Variants in CD244 observed in about 807,000 individuals in gnomAD.
The protein encoded by CD244 is natural killer cell receptor 2B4.
A neutral mutation model predicts 45.5 loss-of-function variants in CD244; 20 were observed. The ratio of observed to expected loss-of-function variants is 0.44; its 90% confidence interval spans 0.31 to 0.64. The LOEUF (loss-of-function observed/expected upper bound fraction) is 0.64. Ranked by LOEUF, CD244 falls within the 30% of genes least tolerant of loss-of-function variation. The pLI, the probability that CD244 is intolerant of heterozygous loss-of-function variation, is 0.08. For synonymous variants in CD244, 185 were observed against 160.5 expected (o/e 1.15, Z -1.15); for missense variants, 407 against 426.9 (o/e 0.95, Z 0.41).
intron 1 of CD244, among the ~76,000 whole-genome samples, chr1:160,857,128 C>T (rs1321230497): frequency 6.6e-6 from 1 of 152,244 alleles, no homozygotes; most frequent in Non-Finnish European, 1.5e-5. Context: ...CCTTTGGCCT[C>T]TTGCCAAGCT....
intron 1 of CD244, among the ~76,000 whole-genome samples, chr1:160,843,945 G>A (rs778761122): frequency 5.9e-5 from 9 of 152,184 alleles, no homozygotes; most frequent in African/African-American, 1.9e-4. Context: ...ATTAGAAAGC[G>A]GGTATACATA....
At chr1:160,856,037 A>G (rs1487206971) in intron 1 of CD244, among the ~76,000 whole-genome samples, 1 of 152,116 alleles carries the variant, frequency 6.6e-6, no homozygotes, top group East Asian at 1.9e-4. Context: ...TGGAATTTCC[A>G]CCAGCCAACA....
intron 1 of CD244, among the ~76,000 whole-genome samples, chr1:160,852,674 G>A (rs551482182): frequency 9.2e-5 from 14 of 152,178 alleles, no homozygotes; most frequent in African/African-American, 1.9e-4. Flanking sequence ...ACTATTTTAC[G>A]GTATCTTCTA....
intron 1 of CD244, among the ~76,000 whole-genome samples, chr1:160,853,950 CG>C (rs1482290039): frequency 6.6e-6 from 1 of 152,046 alleles, no homozygotes; most frequent in Non-Finnish European, 1.5e-5. Context: ...TGCCCAGAGG[CG>C]GTGGGTGGGA....
At chr1:160,839,601 C>G (rs2101869507) in intron 3 of CD244, among the ~76,000 whole-genome samples, 1 of 152,218 alleles carries the variant, frequency 6.6e-6, no homozygotes, top group Admixed American at 6.5e-5. Flanking sequence ...TTGTATCAGG[C>G]ATTATAACTA....
chr1:160,843,092 T>C (rs1280900022), intron 1 of CD244, among the ~76,000 whole-genome samples: 1 of 152,194 alleles, frequency 6.6e-6, no homozygotes, highest in Non-Finnish European at 1.5e-5. Flanking sequence ...GCATTATGAA[T>C]GCAGTCTCTC....
rs142663878 is a variant in CD244 at position 160,855,103 on chromosome 1, C to A, written c.61+7514G>T. ...CAGGAGTAGATGAAGTACATTGACA[C>A]TGGAGACTTGTTGGCAAGGTTGGTG... On this transcript the variant is annotated intron_variant, in intron 1 of 8. Transcript: ENST00000368034. 2.7e-3 allele frequency among the ~76,000 whole-genome samples: 417 copies of A among 152,322 alleles called. 4 individuals carry two copies. Among genetic ancestry groups the A allele is most frequent in the Middle Eastern group, 0.024 (7 of 294 alleles).
At chr1:160,848,614 G>A (rs1669815925) in intron 1 of CD244, 2 of 345,826 alleles carry the variant, frequency 5.8e-6, no homozygotes, top group Non-Finnish European at 1.1e-5. Flanking sequence ...AGGCCTTGCT[G>A]GGTTTCTCCA....
At chr1:160,834,473 A>G (rs1218803209) in intron 6 of CD244, among the ~76,000 whole-genome samples, 1 of 152,100 alleles carries the variant, frequency 6.6e-6, no homozygotes, top group Non-Finnish European at 1.5e-5. Flanking sequence ...CTCCTGCCCC[A>G]GCCTCCTGAG....
chr1:160,859,194 A>C, intron 1 of CD244, among the ~76,000 whole-genome samples: 1 of 152,162 alleles, frequency 6.6e-6, no homozygotes, highest in East Asian at 1.9e-4. Flanking sequence ...TAGCCAGCAA[A>C]GGAGCAGCAT....
Position 160,832,535 on chromosome 1 carries a change from C to T in CD244, c.1001G>A (p.Ser334Asn). 2 of 1,606,040 alleles carry T rather than the reference C, an allele frequency of 1.2e-6. 1 individual carries two copies. Among genetic ancestry groups the T allele is most frequent in the South Asian group, 2.2e-5 (2 of 90,652 alleles). The change falls in exon 8 of 9, where the codon AGC becomes AAC. Residue 334 changes from serine to asparagine, a missense_variant. Transcript: ENST00000368034. The part of the protein sequence containing the change: ...RKRNHSPSFN[S>N]TIYEVIGKSQ... ...GAATCTTACCACTTCATAGATAGTG[C>T]TATTGAAGGAAGGGCTGTGGTTCCT...
chr1:160,832,895 CACAT>C (rs148020058), intron 7 of CD244, among the ~76,000 whole-genome samples: 31 of 88,068 alleles, frequency 3.5e-4, no homozygotes, highest in Middle Eastern at 6.7e-3. Flanking sequence ...TATACACACA[CACAT>C]ATATATACAT....
At chr1:160,856,530 T>C (rs1188928859) in intron 1 of CD244, among the ~76,000 whole-genome samples, 7 of 152,204 alleles carry the variant, frequency 4.6e-5, no homozygotes, top group African/African-American at 1.4e-4. Context: ...CAAGGCCAGT[T>C]CCCCAGTGTT....
At chr1:160,858,507 A>G (rs1383234646) in intron 1 of CD244, among the ~76,000 whole-genome samples, 1 of 152,086 alleles carries the variant, frequency 6.6e-6, no homozygotes, top group African/African-American at 2.4e-5. Flanking sequence ...GACAACTGAA[A>G]CCTGAATTTT....
At chr1:160,836,885 T>C (rs1278508924) in intron 5 of CD244, among the ~76,000 whole-genome samples, 1 of 152,180 alleles carries the variant, frequency 6.6e-6, no homozygotes, top group African/African-American at 2.4e-5. Flanking sequence ...GCAGGGTTCA[T>C]TAGGCAAGGT....
At chr1:160,861,827 A>C (rs749397513) in intron 1 of CD244, among the ~76,000 whole-genome samples, 1 of 152,014 alleles carries the variant, frequency 6.6e-6, no homozygotes, top group South Asian at 2.1e-4. Flanking sequence ...ACAGAAGGAG[A>C]CTCTGTCTCA....
chr1:160,857,984 C>A (rs1670168777), intron 1 of CD244, among the ~76,000 whole-genome samples: 1 of 151,796 alleles, frequency 6.6e-6, no homozygotes, highest in Non-Finnish European at 1.5e-5. Context: ...GAGGTCAAGG[C>A]TACAGTGAGC....
chr1:160,841,141 C>G, intron 3 of CD244, 69 bp downstream of exon 3: 1 of 1,480,082 alleles, frequency 6.8e-7, no homozygotes, highest in African/African-American at 1.4e-5. Flanking sequence ...CCACATCTGT[C>G]TTGCACATGA....
intron 1 of CD244, among the ~76,000 whole-genome samples, chr1:160,851,226 G>A (rs928488933): frequency 6.6e-6 from 1 of 152,162 alleles, no homozygotes; most frequent in Non-Finnish European, 1.5e-5. Flanking sequence ...TTTTCCTGAA[G>A]GTTGGGGACG....
Sources: gnomAD v4.1 joint callset for allele counts (sites outside exome capture counted in the v4.1 genomes callset) on GRCh38, gnomAD v4.1.1 for gene constraint, MANE v1.5 for transcripts, NCBI Gene and HGNC (gene_info 2026-07-23, HGNC 2026-07-21) for gene names.